The following DPYD variants were observed in gnomAD, a reference collection of about 807,000 sequenced individuals.
DPYD encodes dihydropyrimidine dehydrogenase [NADP(+)].
In DPYD, 109 loss-of-function variants were observed where a neutral mutation model predicts 116.2. That is an observed-to-expected ratio of 0.94 (90% confidence interval 0.80 to 1.10). The LOEUF (loss-of-function observed/expected upper bound fraction) is 1.10. Among genes scored for constraint, DPYD ranks in the 50% least tolerant of loss-of-function variants. The probability of loss-of-function intolerance (pLI) is 0.00; values close to 1 mark genes in which losing one functional copy is unlikely to be tolerated. For synonymous variants in DPYD, 440 were observed against 432.0 expected (o/e 1.02, Z -0.23); for missense variants, 1,302 against 1,254.5 (o/e 1.04, Z -0.57).
intron 12 of DPYD, among the ~76,000 whole-genome samples, chr1:97,545,290 T>G (rs972334502): frequency 4.6e-5 from 7 of 152,204 alleles, no homozygotes; most frequent in African/African-American, 1.4e-4. Context: ...TTTCATAAAG[T>G]GTCCTATTAA....
In DPYD at chr1:97,515,751, A is replaced by AG. The variant is rs1290522460; in HGVS notation, c.1714dup (p.Leu572ProfsTer8). 1.2e-6 allele frequency: 2 copies of AG among 1,612,742 alleles called. No individual in the cohort carries two copies. Among genetic ancestry groups the AG allele is most frequent in the Admixed American group, 3.3e-5 (2 of 59,834 alleles). ...CTTATCAAGAGAGAAAGTTTTGGTG[A>AG]GGGCAAAACCCCATCCAGCTTCAAA... On this transcript the variant is annotated frameshift_variant, in exon 13 of 23. Transcript: ENST00000370192. LOFTEE classifies it high-confidence loss of function.
chr1:97,804,111 T>C (rs1667965738), intron 3 of DPYD, among the ~76,000 whole-genome samples: 1 of 151,804 alleles, frequency 6.6e-6, no homozygotes, highest in African/African-American at 2.4e-5. Context: ...AAAAACAAAA[T>C]TTGTTGTTAT....
chr1:97,232,078 T>G (rs1443296605), intron 19 of DPYD, among the ~76,000 whole-genome samples: 1 of 152,244 alleles, frequency 6.6e-6, no homozygotes, highest in Non-Finnish European at 1.5e-5. Context: ...AAAAGCTTTC[T>G]TTAGCCATTC....
chr1:97,588,591 A>G, intron 10 of DPYD, among the ~76,000 whole-genome samples: 1 of 152,164 alleles, frequency 6.6e-6, no homozygotes, highest in East Asian at 1.9e-4. Flanking sequence ...GGATTCTGTT[A>G]TCCTGTGAAA....
chr1:97,250,900 A>G (rs1056491341), intron 18 of DPYD, among the ~76,000 whole-genome samples: 2 of 152,174 alleles, frequency 1.3e-5, no homozygotes, highest in African/African-American at 2.4e-5. Context: ...AACATATATC[A>G]TATCTGTGTA....
At chr1:97,124,941 G>A (rs1460465926) in intron 20 of DPYD, among the ~76,000 whole-genome samples, 1 of 152,106 alleles carries the variant, frequency 6.6e-6, no homozygotes. Flanking sequence ...TTCCTAGTGG[G>A]TATGAAAGAA....
intron 3 of DPYD, among the ~76,000 whole-genome samples, chr1:97,810,318 G>A (rs188799633): frequency 1.4e-5 from 2 of 147,544 alleles, no homozygotes; most frequent in African/African-American, 2.5e-5. Context: ...AAGCATCAAC[G>A]GGAAATAAAA....
At chr1:97,193,382 T>A (rs1658524627) in intron 19 of DPYD, 134 bp from the exon 20 acceptor site, 1 of 888,026 alleles carries the variant, frequency 1.1e-6, no homozygotes, top group Non-Finnish European at 1.8e-6. Context: ...TCAGTAGCCG[T>A]CTGGAGATGG....
chr1:97,906,275 T>C (rs1673613851), intron 1 of DPYD, among the ~76,000 whole-genome samples: 1 of 152,044 alleles, frequency 6.6e-6, no homozygotes, highest in African/African-American at 2.4e-5. Flanking sequence ...ATCTAAATAA[T>C]GGTGTAAAAC....
intron 8 of DPYD, among the ~76,000 whole-genome samples, chr1:97,645,849 T>C (rs1658228842): frequency 6.6e-6 from 1 of 152,062 alleles, no homozygotes; most frequent in African/African-American, 2.4e-5. Flanking sequence ...CTTTCCTGAG[T>C]TCTGAGAAAT....
chr1:97,653,437 T>C (rs766143494), intron 8 of DPYD, among the ~76,000 whole-genome samples: 3 of 151,910 alleles, frequency 2.0e-5, no homozygotes, highest in South Asian at 2.1e-4. Flanking sequence ...CCCGAGTAGC[T>C]GGGATTACAG....
intron 1 of DPYD, among the ~76,000 whole-genome samples, chr1:97,892,806 G>A (rs1377185659): frequency 1.3e-5 from 2 of 151,698 alleles, no homozygotes; most frequent in East Asian, 1.9e-4. Flanking sequence ...ATTTATGAAG[G>A]AAAGAATCTC....
chr1:97,637,768 C>T (rs1163040796), intron 8 of DPYD, among the ~76,000 whole-genome samples: 1 of 152,110 alleles, frequency 6.6e-6, no homozygotes, highest in Admixed American at 6.6e-5. Flanking sequence ...ATTTTTATTA[C>T]TTTACTATAC....
At chr1:97,618,713 G>A (rs973558756) in intron 8 of DPYD, among the ~76,000 whole-genome samples, 5 of 152,138 alleles carry the variant, frequency 3.3e-5, no homozygotes, top group African/African-American at 1.2e-4. Context: ...AGATGATACA[G>A]AATTTGAATT....
At chr1:97,874,105 G>T (rs1245479528) in intron 2 of DPYD, among the ~76,000 whole-genome samples, 1 of 151,800 alleles carries the variant, frequency 6.6e-6, no homozygotes, top group Non-Finnish European at 1.5e-5. Context: ...CATCCTCATT[G>T]TCTTCATCAT....
chr1:97,583,257 C>T (rs1653824917), intron 10 of DPYD, among the ~76,000 whole-genome samples: 1 of 152,180 alleles, frequency 6.6e-6, no homozygotes, highest in Admixed American at 6.5e-5. Flanking sequence ...GCGTGAACCA[C>T]TGCGCCTGAC....
At chr1:97,148,752 C>T (rs766202386) in intron 20 of DPYD, among the ~76,000 whole-genome samples, 2 of 152,134 alleles carry the variant, frequency 1.3e-5, no homozygotes, top group African/African-American at 2.4e-5. Flanking sequence ...CTTTGAACTC[C>T]TGTGATTAAA....
chr1:97,316,347 A>C (rs553696518), intron 16 of DPYD, among the ~76,000 whole-genome samples: 1 of 150,084 alleles, frequency 6.7e-6, no homozygotes, highest in Admixed American at 6.6e-5. Context: ...AAAAAGAAAA[A>C]AAAAAACAAA....
intron 7 of DPYD, among the ~76,000 whole-genome samples, chr1:97,681,750 T>C (rs987544852): frequency 3.9e-5 from 6 of 152,154 alleles, no homozygotes; most frequent in South Asian, 2.1e-4. Flanking sequence ...GTTTGTTTTA[T>C]GAATCAAATA....
Sources: gnomAD v4.1 joint callset for allele counts (sites outside exome capture counted in the v4.1 genomes callset) on GRCh38, gnomAD v4.1.1 for gene constraint, MANE v1.5 for transcripts, NCBI Gene and HGNC (gene_info 2026-07-23, HGNC 2026-07-21) for gene names.